Variants in PLCL2 observed in about 807,000 individuals in gnomAD.
PLCL2 encodes the protein inactive phospholipase C-like protein 2.
In PLCL2, 4 loss-of-function variants were observed where a neutral mutation model predicts 79.6. The ratio of observed to expected loss-of-function variants is 0.05; its 90% confidence interval spans 0.02 to 0.11. The LOEUF is 0.11. PLCL2 is among the 10% of genes least tolerant of loss of function. The pLI, the probability that PLCL2 is intolerant of heterozygous loss-of-function variation, is 1.00. For synonymous variants in PLCL2, 484 were observed against 457.7 expected (o/e 1.06, Z -0.73); for missense variants, 895 against 1,291.0 (o/e 0.69, Z 4.70).
intron 1 of PLCL2, among the ~76,000 whole-genome samples, chr3:16,921,016 T>C (rs538212899): frequency 6.6e-5 from 10 of 152,342 alleles, no homozygotes; most frequent in African/African-American, 2.4e-4. Context: ...AGGCCATTTT[T>C]TGAAAAGGTG....
At chr3:16,930,357 C>T (rs1310469790) in intron 1 of PLCL2, among the ~76,000 whole-genome samples, 2 of 152,086 alleles carry the variant, frequency 1.3e-5, no homozygotes, top group Admixed American at 1.3e-4. Context: ...AAACAATGGC[C>T]CTCCCTCAAA....
At chr3:16,908,519 A>G (rs910168442) in intron 1 of PLCL2, among the ~76,000 whole-genome samples, 2 of 152,206 alleles carry the variant, frequency 1.3e-5, no homozygotes, top group Non-Finnish European at 2.9e-5. Flanking sequence ...AGGATATAAC[A>G]TCCCTGGATT....
chr3:16,888,395 G>C (rs1198833667), intron 1 of PLCL2, among the ~76,000 whole-genome samples: 1 of 152,206 alleles, frequency 6.6e-6, no homozygotes, highest in African/African-American at 2.4e-5. Context: ...AGAGTGAGCA[G>C]CTTTGTAGAA....
At chr3:17,014,013 AG>A (rs762280403) in intron 2 of PLCL2, among the ~76,000 whole-genome samples, 2 of 152,246 alleles carry the variant, frequency 1.3e-5, no homozygotes, top group Non-Finnish European at 1.5e-5. Flanking sequence ...GCACTTAGTA[AG>A]TGTTCATAGA....
intron 1 of PLCL2, among the ~76,000 whole-genome samples, chr3:16,977,748 G>C (rs2063941588): frequency 6.6e-6 from 1 of 152,026 alleles, no homozygotes; most frequent in South Asian, 2.1e-4. Flanking sequence ...AGTTTGCCCA[G>C]GCCACCATTA....
rs546132476 is a variant in PLCL2 at position 17,087,969 on chromosome 3, C to T, written c.3205-1764C>T. On this transcript the variant is annotated intron_variant, in intron 5 of 5. Coordinates refer to ENST00000615277, the MANE Select transcript of PLCL2 (RefSeq NM_001144382.2). ...CTCCTGACACAATATGCTATATATA[C>T]AAAGACCTCATAACTAGTAAATTTT... Among the ~76,000 whole-genome samples, 5 of 152,216 alleles carry T rather than the reference C, an allele frequency of 3.3e-5. No individual in the cohort carries two copies. In the South Asian group the frequency reaches 1.0e-3, roughly 32 times the overall value.
At chr3:16,952,640 A>G (rs542585087) in intron 1 of PLCL2, among the ~76,000 whole-genome samples, 1 of 152,170 alleles carries the variant, frequency 6.6e-6, no homozygotes, top group East Asian at 1.9e-4. Context: ...ATATAGTATG[A>G]TCACATGTTG....
intron 1 of PLCL2, among the ~76,000 whole-genome samples, chr3:16,982,196 C>T (rs996849972): frequency 1.3e-5 from 2 of 152,120 alleles, no homozygotes; most frequent in African/African-American, 4.8e-5. Flanking sequence ...GTGAATATAC[C>T]ACATAAATCT....
chr3:17,023,807 T>C (rs2064481643), intron 3 of PLCL2, among the ~76,000 whole-genome samples: 1 of 152,202 alleles, frequency 6.6e-6, no homozygotes, highest in Non-Finnish European at 1.5e-5. Flanking sequence ...GACAAATGTC[T>C]CTGTGTTCAT....
chr3:16,892,151 C>G (rs1293248888), intron 1 of PLCL2, among the ~76,000 whole-genome samples: 1 of 152,240 alleles, frequency 6.6e-6, no homozygotes, highest in East Asian at 1.9e-4. Context: ...TTAGACTTAA[C>G]TCCAACTGGT....
At position 17,012,118 on chromosome 3, in the gene PLCL2, G is replaced by A; in HGVS notation, c.2772G>A (p.Gln924=). The A allele has an allele frequency of 6.2e-7, 1 of 1,614,118 alleles. No homozygotes were observed. Among genetic ancestry groups the A allele is most frequent in the South Asian group, 1.1e-5 (1 of 91,084 alleles). Residue 924 remains glutamine, a synonymous_variant, in exon 2 of 6, where the codon CAG becomes CAA. Coordinates refer to ENST00000615277, the MANE Select transcript of PLCL2 (RefSeq NM_001144382.2). ...KTVDEVFKNA[Q]PPIRDATDLR... ...TGGATGAGGTATTCAAGAATGCCCA[G>A]CCCCCTATACGGGATGCCACAGATC...
intron 5 of PLCL2, among the ~76,000 whole-genome samples, chr3:17,076,922 A>C (rs76916915): frequency 0.19 from 28,333 of 152,050 alleles, 3,141 homozygotes; most frequent in East Asian, 0.54. Context: ...TCAGTTTTTT[A>C]ATTTCAAATT....
intron 1 of PLCL2, among the ~76,000 whole-genome samples, chr3:16,907,214 C>G (rs374843824): frequency 6.6e-6 from 1 of 152,082 alleles, no homozygotes; most frequent in African/African-American, 2.4e-5. Flanking sequence ...ATAGTTTAAA[C>G]TTTCCGGTGT....
chr3:16,920,227 A>T (rs1182467163), intron 1 of PLCL2, among the ~76,000 whole-genome samples: 2 of 152,186 alleles, frequency 1.3e-5, no homozygotes, highest in Non-Finnish European at 2.9e-5. Context: ...CATGGATTCC[A>T]GATTCTGGAA....
chr3:16,977,225 T>C (rs2063935913), intron 1 of PLCL2, among the ~76,000 whole-genome samples: 1 of 152,182 alleles, frequency 6.6e-6, no homozygotes, highest in South Asian at 2.1e-4. Flanking sequence ...CTTTTTCTCC[T>C]GAGTAGTGGG....
intron 3 of PLCL2, chr3:17,042,600 G>T (rs1343549070): frequency 3.7e-6 from 1 of 267,746 alleles, no homozygotes; most frequent in Non-Finnish European, 7.2e-6. Flanking sequence ...AATGAACTCA[G>T]TTCAGTATAT....
intron 3 of PLCL2, among the ~76,000 whole-genome samples, chr3:17,025,976 G>A (rs1340565120): frequency 6.6e-6 from 1 of 152,156 alleles, no homozygotes; most frequent in Admixed American, 6.5e-5. Context: ...CACAGTAACT[G>A]CTCTGTCAGT....
At position 16,886,963 on chromosome 3, in the gene PLCL2, T is replaced by G. The variant is rs1696240708; in HGVS notation, c.327+1597T>G. ...TTGTTTTGAATACTTGTTTTTGCAT[T>G]AAAAAATCAAACTTTATTAGTGTCC... is the stretch of plus-strand genomic sequence containing the variant. On this transcript the variant is annotated intron_variant, in intron 1 of 5. Transcript: ENST00000615277. The surrounding 1 kb of genome is among the most constrained non-coding windows in gnomAD (Gnocchi z 4.2). Among the ~76,000 whole-genome samples, 1 of 152,218 alleles carries G rather than the reference T, an allele frequency of 6.6e-6. No individual in the cohort carries two copies. Among genetic ancestry groups the G allele is most frequent in the Non-Finnish European group, 1.5e-5 (1 of 68,030 alleles).
chr3:17,043,658 T>G (rs963514155), intron 4 of PLCL2, among the ~76,000 whole-genome samples: 10 of 152,102 alleles, frequency 6.6e-5, no homozygotes, highest in African/African-American at 2.4e-4. Flanking sequence ...CTTTCTAAGG[T>G]TTTTTTCGTT....
Sources: allele counts gnomAD v4.1 joint callset (sites outside exome capture counted in the v4.1 genomes callset), GRCh38; gene constraint gnomAD v4.1.1; non-coding constraint Gnocchi (gnomAD v3.1); transcripts MANE v1.5; gene names NCBI Gene and HGNC (gene_info 2026-07-23, HGNC 2026-07-21).